DNAI1: variants seen among roughly 807,000 people sequenced by gnomAD.
DNAI1 encodes dynein axonemal intermediate chain 1.
DNAI1 carries 67 observed loss-of-function variants against 92.0 expected under a neutral mutation model. The observed-to-expected ratio is 0.73, with a 90% CI of 0.60 to 0.89. The LOEUF is 0.89. DNAI1 is among the 40% of genes least tolerant of loss of function. The pLI, the probability that DNAI1 is intolerant of heterozygous loss-of-function variation, is 0.00. For synonymous variants in DNAI1, 323 were observed against 319.6 expected (o/e 1.01, Z -0.11); for missense variants, 839 against 866.6 (o/e 0.97, Z 0.40).
At chr9:34,483,619 A>G in intron 2 of DNAI1, 139 bp downstream of exon 2, 3 of 740,320 alleles carry the variant, frequency 4.1e-6, no homozygotes, top group Non-Finnish European at 6.6e-6. Flanking sequence ...CTACCACCTT[A>G]TAATAACTTT....
intron 9 of DNAI1, among the ~76,000 whole-genome samples, chr9:34,495,935 A>G (rs1272324373): frequency 6.6e-6 from 1 of 152,188 alleles, no homozygotes; most frequent in African/African-American, 2.4e-5. Flanking sequence ...GTTTTCAAAG[A>G]TAAACTTGGA....
intron 1 of DNAI1, among the ~76,000 whole-genome samples, chr9:34,460,443 C>T (rs1823929863): frequency 6.6e-6 from 1 of 152,204 alleles, no homozygotes; most frequent in African/African-American, 2.4e-5. Context: ...GTCTGGCCAC[C>T]TCCATGTTAG....
intron 18 of DNAI1, among the ~76,000 whole-genome samples, chr9:34,515,709 G>C (rs1427761619): frequency 6.6e-6 from 1 of 152,184 alleles, no homozygotes; most frequent in Non-Finnish European, 1.5e-5. Context: ...AACATGCTTA[G>C]CGTAAAAAGC....
rs547508610 is a variant in DNAI1, at chr9:34,512,432, C to T, written c.1489+8C>T. 1 of 1,613,740 alleles carries T rather than the reference C, an allele frequency of 6.2e-7. No individual in the cohort carries two copies. The highest frequency in any genetic ancestry group is 1.7e-5 in the Admixed American group (1 of 60,010). On this transcript the variant is annotated splice_region_variant and intron_variant, in intron 15 of 19. Transcript: ENST00000242317. ...TGCAGCTGCACCCAGTGGGTAGGAG[C>T]CCCAGCCCTCTCACCTCCAGGCCTG...
chr9:34,461,941 A>C (rs941869834), intron 1 of DNAI1, among the ~76,000 whole-genome samples: 1 of 152,112 alleles, frequency 6.6e-6, no homozygotes, highest in Non-Finnish European at 1.5e-5. Flanking sequence ...AGGGGAGAGA[A>C]GCCTGCAGGT....
chr9:34,509,180 G>T (rs778539153), intron 13 of DNAI1, among the ~76,000 whole-genome samples: 2 of 152,134 alleles, frequency 1.3e-5, no homozygotes, highest in Non-Finnish European at 2.9e-5. Flanking sequence ...GGACCAGGGG[G>T]TGGAGGGCTG....
intron 7 of DNAI1, 68 bp from the exon 8 acceptor site, chr9:34,491,427 T>TGAGC: frequency 6.4e-7 from 1 of 1,562,790 alleles, no homozygotes. Flanking sequence ...CTCTCAAAGA[T>TGAGC]ATACTGTTGG....
At chr9:34,512,310 CCCA>C (rs1564041831) in intron 14 of DNAI1, 24 bp from the exon 15 acceptor site, 2 of 1,612,498 alleles carry the variant, frequency 1.2e-6, no homozygotes, top group East Asian at 4.5e-5. Context: ...TGCCCTCCCC[CCCA>C]CATCCCTCTG....
intron 12 of DNAI1, among the ~76,000 whole-genome samples, chr9:34,502,034 G>T (rs1164660259): frequency 6.6e-6 from 1 of 152,188 alleles, no homozygotes; most frequent in Non-Finnish European, 1.5e-5. Flanking sequence ...TTGTTCTCTG[G>T]CTGGGAGGAT....
chr9:34,465,640 C>T (rs552668813), intron 1 of DNAI1, among the ~76,000 whole-genome samples: 1 of 152,304 alleles, frequency 6.6e-6, no homozygotes, highest in East Asian at 1.9e-4. Flanking sequence ...TACTAGGGGG[C>T]CTAGCACATT....
rs141420735 is a variant in DNAI1 at position 34,515,045 on chromosome 9, C to T, written c.1818+306C>T. 8.7e-3 allele frequency among the ~76,000 whole-genome samples: 1,323 copies of T among 152,204 alleles called. 9 individuals carry two copies. Among genetic ancestry groups the T allele is most frequent in the Middle Eastern group, 0.014 (4 of 294 alleles). ...TGGAGAGCTAGAGGGTGGCAGGGCC[C>T]GGCTCCATCTAAGGAAAAATGTATG... On this transcript the variant is annotated intron_variant, in intron 18 of 19. Transcript: ENST00000242317.
chr9:34,470,678 A>G (rs1223404884), intron 1 of DNAI1, among the ~76,000 whole-genome samples: 3 of 152,254 alleles, frequency 2.0e-5, no homozygotes, highest in Non-Finnish European at 4.4e-5. Context: ...TTGATATTTT[A>G]ACATTATTCT....
intron 1 of DNAI1, among the ~76,000 whole-genome samples, chr9:34,481,563 C>T (rs141780922): frequency 1.3e-5 from 2 of 152,228 alleles, no homozygotes; most frequent in Non-Finnish European, 2.9e-5. Context: ...CGCGGACCCT[C>T]GCGGTGAGTG....
At chr9:34,483,126 G>A (rs1450789810) in intron 1 of DNAI1, among the ~76,000 whole-genome samples, 4 of 152,202 alleles carry the variant, frequency 2.6e-5, no homozygotes, top group African/African-American at 2.4e-5. Context: ...ACTCAGCCCC[G>A]GTTCCCGCTG....
chr9:34,494,542 G>A lies in DNAI1; in HGVS notation c.816+1214G>A, dbSNP rs1824677799. Among the ~76,000 whole-genome samples the A allele has an allele frequency of 2.0e-5, 3 of 152,124 alleles. No individual in the cohort carries two copies. The South Asian group carries it at 6.2e-4, about 31-fold the overall frequency. Reference sequence around the variant, plus strand: ...AGGGTTCACATGAAGATCCATCAGGGGTTATAAGCTCTGTACTGGGACCCA... The same window carrying A: ...AGGGTTCACATGAAGATCCATCAGGAGTTATAAGCTCTGTACTGGGACCCA... On this transcript the variant is annotated intron_variant, in intron 9 of 19. Transcript: ENST00000242317.
intron 1 of DNAI1, among the ~76,000 whole-genome samples, 155 bp from the exon 2 acceptor site, chr9:34,483,293 C>T (rs1382361464): frequency 1.3e-5 from 2 of 152,236 alleles, no homozygotes; most frequent in African/African-American, 4.8e-5. Context: ...GGGGAGGTGC[C>T]GAGAGCAAGC....
chr9:34,485,847 A>G (rs140334407), intron 4 of DNAI1, among the ~76,000 whole-genome samples: 31 of 152,340 alleles, frequency 2.0e-4, no homozygotes, highest in African/African-American at 7.2e-4. Flanking sequence ...AGTCTTCAAA[A>G]GCTGAGTTTT....
At chr9:34,485,555 A>G in intron 4 of DNAI1, 38 bp downstream of exon 4, 2 of 1,591,644 alleles carry the variant, frequency 1.3e-6, no homozygotes, top group Non-Finnish European at 1.7e-6. Context: ...ATCTATACCC[A>G]TCTCCTTGGA....
chr9:34,517,057 T>C (rs1825182304), intron 18 of DNAI1, among the ~76,000 whole-genome samples: 1 of 152,200 alleles, frequency 6.6e-6, no homozygotes, highest in East Asian at 1.9e-4. Context: ...TAGCTGCTAT[T>C]ATTAATTCTC....
Sources: allele counts gnomAD v4.1 joint callset (sites outside exome capture counted in the v4.1 genomes callset), GRCh38; gene constraint gnomAD v4.1.1; transcripts MANE v1.5; gene names NCBI Gene and HGNC (gene_info 2026-07-23, HGNC 2026-07-21).